Variants in ZBTB16 observed in about 807,000 individuals in gnomAD.
The protein encoded by ZBTB16 is zinc finger and BTB domain containing 16, also known as zinc finger and BTB domain-containing protein 16.
In ZBTB16, 8 loss-of-function variants were observed where a neutral mutation model predicts 56.8. The observed-to-expected ratio is 0.14, with a 90% confidence interval of 0.08 to 0.25. The LOEUF (loss-of-function observed/expected upper bound fraction) is 0.25, where lower values mean the gene tolerates loss of function less well. ZBTB16 is among the 10% of genes least tolerant of loss of function. The probability of loss-of-function intolerance (pLI) is 1.00; values close to 1 mark genes in which losing one functional copy is unlikely to be tolerated. For missense variants in ZBTB16, 625 were observed against 903.0 expected, an observed-to-expected ratio of 0.69 and a Z score of 3.95; for synonymous variants, 363 against 368.5, an observed-to-expected ratio of 0.98 and a Z score of 0.17.
At chr11:114,207,053 C>T (rs1156352516) in intron 4 of ZBTB16, among the ~76,000 whole-genome samples, 1 of 152,120 alleles carries the variant, frequency 6.6e-6, no homozygotes, top group African/African-American at 2.4e-5. Flanking sequence ...ACAAAGGTGG[C>T]AATGGAGGGT....
intron 3 of ZBTB16, among the ~76,000 whole-genome samples, chr11:114,182,858 A>C (rs1391327684): frequency 3.3e-5 from 5 of 152,228 alleles, no homozygotes; most frequent in Non-Finnish European, 5.9e-5. Flanking sequence ...CAACATATGC[A>C]CAGTAAACAG....
chr11:114,143,321 T>A lies in ZBTB16; in HGVS notation c.1269-13016T>A, dbSNP rs75370149. Among the ~76,000 whole-genome samples the A allele has an allele frequency of 2.8e-3, 428 of 152,248 alleles. 2 individuals are homozygous for A. The highest frequency in any genetic ancestry group is 5.0e-3 in the Admixed American group (76 of 15,278). On this transcript the variant is annotated intron_variant, in intron 2 of 6. Coordinates refer to ENST00000335953, the MANE Select transcript of ZBTB16 (RefSeq NM_006006.6). The surrounding 1 kb of genome is among the most constrained non-coding windows in gnomAD (Gnocchi z 6.4). ...TGAATGAGGCAAAGCCCTGTCTTCA[T>A]GTAGCTGCCCATCCAGCTGGAGAGA...
chr11:114,242,175 A>G lies in ZBTB16; in HGVS notation c.1462A>G (p.Met488Val), dbSNP rs2135199756. The part of the protein sequence containing the change: ...THRQTHTGTD[M>V]AVFCLLCGKR... ...TCTCCTGTCTCCCACAGGCACTGAC[A>G]TGGCCGTCTTCTGTCTGCTGTGTGG... The change falls in exon 5 of 7, where the codon ATG becomes GTG. Residue 488 changes from methionine to valine, a missense_variant. By Grantham distance (21) the Met-to-Val change is conservative. Transcript: ENST00000335953. 1 of 1,613,662 alleles carries G rather than the reference A, an allele frequency of 6.2e-7. No individual in the cohort carries two copies.
At chr11:114,179,952 T>C (rs1448125281) in intron 3 of ZBTB16, among the ~76,000 whole-genome samples, 1 of 152,152 alleles carries the variant, frequency 6.6e-6, no homozygotes, top group African/African-American at 2.4e-5. Flanking sequence ...ATTGGGATCC[T>C]GGGCATTTAG....
At chr11:114,159,183 C>T (rs1453669305) in intron 3 of ZBTB16, among the ~76,000 whole-genome samples, 1 of 152,222 alleles carries the variant, frequency 6.6e-6, no homozygotes, top group South Asian at 2.1e-4. Context: ...GCGGAGCTGG[C>T]GGTTCCCTGG....
intron 3 of ZBTB16, among the ~76,000 whole-genome samples, chr11:114,169,071 G>T (rs1006763445): frequency 1.5e-4 from 23 of 152,034 alleles, no homozygotes; most frequent in Middle Eastern, 3.2e-3. Flanking sequence ...CTCCTCCTTT[G>T]CACTATCCTG....
At chr11:114,189,248 T>C (rs1287781156) in intron 4 of ZBTB16, 4 of 152,036 alleles carry the variant, frequency 2.6e-5, no homozygotes, top group African/African-American at 7.2e-5. Context: ...AAACAAATAA[T>C]CAAATTAAAT....
At chr11:114,163,668 A>C (rs1336273017) in intron 3 of ZBTB16, among the ~76,000 whole-genome samples, 1 of 151,906 alleles carries the variant, frequency 6.6e-6, no homozygotes, top group Non-Finnish European at 1.5e-5. Flanking sequence ...CCCTTCACCT[A>C]CAGCCCCTGT....
intron 3 of ZBTB16, among the ~76,000 whole-genome samples, chr11:114,167,248 T>G (rs1159553179): frequency 2.1e-5 from 3 of 142,132 alleles, no homozygotes; most frequent in Admixed American, 1.4e-4. Flanking sequence ...TTTTTTTTTT[T>G]TTTTTGACAA....
rs184907090 is a variant in ZBTB16, at chr11:114,135,132, A to T, written c.1269-21205A>T. 4.5e-3 allele frequency among the ~76,000 whole-genome samples: 691 copies of T among 152,334 alleles called. 10 individuals carry two copies. The highest frequency in any genetic ancestry group is 0.041 in the Admixed American group (624 of 15,296). ...CAGCTAGTGGATCATGCCGGGGGGA[A>T]CTATACATTCCAGTGCTCCAGAAAT... On this transcript the variant is annotated intron_variant, in intron 2 of 6. Transcript: ENST00000335953.
In ZBTB16 at chr11:114,150,463, C is replaced by T. The variant is rs544280828; in HGVS notation, c.1269-5874C>T. Among the ~76,000 whole-genome samples the T allele has an allele frequency of 2.6e-5, 4 of 152,170 alleles. No individual in the cohort carries two copies. The East Asian group carries it at 5.8e-4, about 22-fold the overall frequency. On this transcript the variant is annotated intron_variant, in intron 2 of 6. Transcript: ENST00000335953. The stretch of plus-strand genomic sequence containing the variant: ...CAGCCCAGACAACATAGCAAGACCT[C>T]GTCTCTATTAAAAACAATTATTTAA...
At chr11:114,225,711 TG>T (rs1387661593) in intron 4 of ZBTB16, among the ~76,000 whole-genome samples, 5 of 152,298 alleles carry the variant, frequency 3.3e-5, no homozygotes, top group Non-Finnish European at 5.9e-5. Flanking sequence ...ACAGGAACTT[TG>T]GGGGACACAT....
At chr11:114,094,525 G>A (rs1411387337) in intron 2 of ZBTB16, among the ~76,000 whole-genome samples, 1 of 152,158 alleles carries the variant, frequency 6.6e-6, no homozygotes, top group African/African-American at 2.4e-5. Flanking sequence ...AGCTTCTAGG[G>A]GATGGTGGCA....
rs1442937759 is a variant in ZBTB16, at chr11:114,251,534, C to T, written c.*979C>T. On this transcript the variant is annotated 3_prime_UTR_variant, in exon 7 of 7. Coordinates refer to ENST00000335953, the MANE Select transcript of ZBTB16 (RefSeq NM_006006.6). ...AGGAATCCATGAATGGGCTGAGGTTCCGAGGGTAGGTTGTGGATGTCTTTC... is the reference window on the plus strand; with the variant it reads ...AGGAATCCATGAATGGGCTGAGGTTTCGAGGGTAGGTTGTGGATGTCTTTC... Among the ~76,000 whole-genome samples, 1 of 152,178 alleles carries T rather than the reference C, an allele frequency of 6.6e-6. No homozygotes were observed. The highest frequency in any genetic ancestry group is 1.5e-5 in the Non-Finnish European group (1 of 68,048).
At position 114,063,116 on chromosome 11, in the gene ZBTB16, T is replaced by C. The variant is rs1938948309; in HGVS notation, c.-90-95T>C. ...GCTTGGCAACAGGGAGGAGGGGGCATGTTGTAGTGGTTGAATTCTTACTTT... is the reference window on the plus strand; with the variant it reads ...GCTTGGCAACAGGGAGGAGGGGGCACGTTGTAGTGGTTGAATTCTTACTTT... On this transcript the variant is annotated intron_variant, in intron 1 of 6. Transcript: ENST00000335953. The surrounding 1 kb of genome is among the most constrained non-coding windows in gnomAD (Gnocchi z 6.5). The C allele has an allele frequency of 1.5e-6, 1 of 648,618 alleles. No homozygotes were observed. The allele number at this position is 648,618 out of a possible 1,614,324, so 40.2% of individuals were successfully genotyped here.
chr11:114,124,544 C>CA lies in ZBTB16; in HGVS notation c.1269-31782dup, dbSNP rs1197111375. ...GATGGGGGAAGAGGCAAAAACAAAA[C>CA]AAAAAAAAAAACCAAAAAAAAAAAA... On this transcript the variant is annotated intron_variant, in intron 2 of 6. Coordinates refer to ENST00000335953, the MANE Select transcript of ZBTB16 (RefSeq NM_006006.6). Among the ~76,000 whole-genome samples the CA allele has an allele frequency of 8.7e-3, 461 of 53,236 alleles. 3 individuals carry two copies. Among genetic ancestry groups the CA allele is most frequent in the Middle Eastern group, 0.044 (4 of 90 alleles). 34.9% of individuals were successfully genotyped at this position (53,236 alleles called of 152,430 possible).
At chr11:114,197,455 G>C (rs1943635564) in intron 4 of ZBTB16, among the ~76,000 whole-genome samples, 1 of 151,726 alleles carries the variant, frequency 6.6e-6, no homozygotes. Flanking sequence ...CTCTCTCTTT[G>C]TCTCTCTCTC....
At chr11:114,070,092 T>G (rs970120938) in intron 2 of ZBTB16, among the ~76,000 whole-genome samples, 2 of 116,732 alleles carry the variant, frequency 1.7e-5, no homozygotes, top group African/African-American at 6.2e-5. Context: ...CAGAGTACCT[T>G]TCTTTTTTTT....
chr11:114,116,083 C>T (rs1354023348), intron 2 of ZBTB16, among the ~76,000 whole-genome samples: 1 of 152,154 alleles, frequency 6.6e-6, no homozygotes, highest in African/African-American at 2.4e-5. Context: ...TTTTCACTCC[C>T]AGCTTCAAGG....
Sources: allele counts gnomAD v4.1 joint callset (sites outside exome capture counted in the v4.1 genomes callset), GRCh38; gene constraint gnomAD v4.1.1; non-coding constraint Gnocchi (gnomAD v3.1); transcripts MANE v1.5; gene names NCBI Gene and HGNC (gene_info 2026-07-23, HGNC 2026-07-21).